The following KCNH8 variants were observed in gnomAD, a reference collection of about 807,000 sequenced individuals.
The protein encoded by KCNH8 is voltage-gated delayed rectifier potassium channel KCNH8.
In KCNH8, 70 loss-of-function variants were observed where a neutral mutation model predicts 103.6. The observed-to-expected ratio is 0.68, with a 90% confidence interval of 0.56 to 0.82. The LOEUF (loss-of-function observed/expected upper bound fraction) is 0.82. Among genes scored for constraint, KCNH8 ranks in the 40% least tolerant of loss-of-function variants. The pLI is 0.00. For synonymous variants in KCNH8, 498 were observed against 489.4 expected (o/e 1.02, Z -0.23); for missense variants, 1,217 against 1,329.9 (o/e 0.92, Z 1.32).
At chr3:19,158,369 A>G (rs960540298) in intron 1 of KCNH8, among the ~76,000 whole-genome samples, 3 of 151,484 alleles carry the variant, frequency 2.0e-5, no homozygotes, top group Non-Finnish European at 3.0e-5. Flanking sequence ...AATATTTGTG[A>G]TATGTTCTTA....
At chr3:19,176,922 T>C (rs868859602) in intron 1 of KCNH8, among the ~76,000 whole-genome samples, 6 of 152,166 alleles carry the variant, frequency 3.9e-5, no homozygotes, top group Non-Finnish European at 7.4e-5. Context: ...AACCTTGTTT[T>C]ATGTGTATTT....
chr3:19,446,772 G>C (rs1410840956), intron 8 of KCNH8, among the ~76,000 whole-genome samples: 1 of 151,474 alleles, frequency 6.6e-6, no homozygotes, highest in Non-Finnish European at 1.5e-5. Flanking sequence ...CAAAATTCAG[G>C]AAAAGAAAGA....
At chr3:19,245,790 T>G (rs1022480971) in intron 1 of KCNH8, among the ~76,000 whole-genome samples, 2 of 152,220 alleles carry the variant, frequency 1.3e-5, no homozygotes, top group African/African-American at 4.8e-5. Flanking sequence ...ACATCTATTT[T>G]GTATCCAGAA....
At chr3:19,494,720 T>C (rs2068399982) in intron 11 of KCNH8, among the ~76,000 whole-genome samples, 1 of 151,952 alleles carries the variant, frequency 6.6e-6, no homozygotes, top group Non-Finnish European at 1.5e-5. Context: ...ATATACCTGG[T>C]AATGGGATTG....
At chr3:19,519,952 G>C (rs962083992) in intron 15 of KCNH8, among the ~76,000 whole-genome samples, 2 of 151,376 alleles carry the variant, frequency 1.3e-5, no homozygotes, top group Non-Finnish European at 2.9e-5. Flanking sequence ...AGTTAGGGCT[G>C]TAAATCCACA....
At position 19,308,716 on chromosome 3, in the gene KCNH8, CT is replaced by C. The variant is rs2065167316; in HGVS notation, c.442+27388del. ...TCTCTCTCTCTCTCTCTCTCTCTCTCTCCCCCTCTCTCCCTCTCTCCCTCTC... is the reference window on the plus strand; with the variant it reads ...TCTCTCTCTCTCTCTCTCTCTCTCTCCCCCCTCTCTCCCTCTCTCCCTCTC... On this transcript the variant is annotated intron_variant, in intron 3 of 15. Coordinates refer to ENST00000328405, the MANE Select transcript of KCNH8 (RefSeq NM_144633.3). Among the ~76,000 whole-genome samples, 2 of 62,060 alleles carry C rather than the reference CT, an allele frequency of 3.2e-5. 1 individual carries two copies. Among genetic ancestry groups the C allele is most frequent in the African/African-American group, 1.9e-4 (2 of 10,616 alleles). 40.7% of individuals were successfully genotyped at this position (62,060 alleles called of 152,430 possible).
At chr3:19,412,311 TA>T (rs2066793061) in intron 7 of KCNH8, among the ~76,000 whole-genome samples, 1 of 151,872 alleles carries the variant, frequency 6.6e-6, no homozygotes, top group Non-Finnish European at 1.5e-5. Context: ...CCCTATTCAG[TA>T]AAATGGTGCT....
intron 11 of KCNH8, among the ~76,000 whole-genome samples, chr3:19,508,082 A>C (rs989484783): frequency 6.6e-6 from 1 of 152,206 alleles, no homozygotes; most frequent in African/African-American, 2.4e-5. Flanking sequence ...CTTGCATCCC[A>C]GGAATAAAGC....
At chr3:19,491,674 T>C (rs2068325093) in intron 11 of KCNH8, among the ~76,000 whole-genome samples, 1 of 152,222 alleles carries the variant, frequency 6.6e-6, no homozygotes. Context: ...CTTTTTGATG[T>C]AGTGATCTAT....
chr3:19,527,237 T>TTAAG (rs1325805247), intron 15 of KCNH8, among the ~76,000 whole-genome samples: 1 of 152,058 alleles, frequency 6.6e-6, no homozygotes, highest in African/African-American at 2.4e-5. Flanking sequence ...CTGATATTAG[T>TTAAG]TAAGTAAAAT....
intron 7 of KCNH8, among the ~76,000 whole-genome samples, chr3:19,419,242 C>T (rs1331872504): frequency 6.8e-6 from 1 of 147,102 alleles, no homozygotes; most frequent in Non-Finnish European, 1.5e-5. Context: ...CTCTGTCGCC[C>T]AGGCTGGAGT....
intron 15 of KCNH8, among the ~76,000 whole-genome samples, chr3:19,522,077 A>G (rs1212688874): frequency 6.6e-6 from 1 of 151,848 alleles, no homozygotes; most frequent in Non-Finnish European, 1.5e-5. Context: ...TATTTTGTGT[A>G]TATGTAAAGG....
At chr3:19,166,767 G>T (rs539669091) in intron 1 of KCNH8, among the ~76,000 whole-genome samples, 1 of 152,242 alleles carries the variant, frequency 6.6e-6, no homozygotes, top group South Asian at 2.1e-4. Context: ...TAAACTCTAT[G>T]CTGCACTATA....
At chr3:19,489,955 C>T (rs2068283769) in intron 11 of KCNH8, among the ~76,000 whole-genome samples, 2 of 152,306 alleles carry the variant, frequency 1.3e-5, no homozygotes, top group South Asian at 2.1e-4. Flanking sequence ...TTCCAAAGAC[C>T]AGTCTTACCA....
intron 5 of KCNH8, among the ~76,000 whole-genome samples, chr3:19,374,639 C>T (rs2066161704): frequency 6.6e-6 from 1 of 151,664 alleles, no homozygotes; most frequent in Non-Finnish European, 1.5e-5. Flanking sequence ...GAATTCGATC[C>T]TGTCATTATG....
chr3:19,516,527 G>T (rs918154786), intron 14 of KCNH8, among the ~76,000 whole-genome samples: 1 of 151,926 alleles, frequency 6.6e-6, no homozygotes, highest in Non-Finnish European at 1.5e-5. Flanking sequence ...TCATCAAACT[G>T]GTATATTTGC....
At chr3:19,384,637 G>A (rs1007372881) in intron 5 of KCNH8, among the ~76,000 whole-genome samples, 17 of 151,830 alleles carry the variant, frequency 1.1e-4, no homozygotes, top group Non-Finnish European at 2.4e-4. Flanking sequence ...CCACCCAATA[G>A]GCAAAAAAAT....
chr3:19,379,437 C>G (rs573101435), intron 5 of KCNH8, among the ~76,000 whole-genome samples: 14 of 152,156 alleles, frequency 9.2e-5, no homozygotes, highest in African/African-American at 3.4e-4. Flanking sequence ...GCCAGGAGAT[C>G]GAGACCATCC....
At chr3:19,219,930 A>G (rs1156302064) in intron 1 of KCNH8, among the ~76,000 whole-genome samples, 1 of 152,186 alleles carries the variant, frequency 6.6e-6, no homozygotes, top group Non-Finnish European at 1.5e-5. Flanking sequence ...AAGTAACCAC[A>G]AAGTACTCTG....
Sources: allele counts gnomAD v4.1 joint callset (sites outside exome capture counted in the v4.1 genomes callset), GRCh38; gene constraint gnomAD v4.1.1; transcripts MANE v1.5; gene names NCBI Gene and HGNC (gene_info 2026-07-23, HGNC 2026-07-21).